Variants in FRMD5 observed in about 807,000 individuals in gnomAD.
The protein encoded by FRMD5 is FERM domain-containing protein 5.
In FRMD5, 20 loss-of-function variants were observed where a neutral mutation model predicts 69.0. The observed-to-expected ratio is 0.29, with a 90% CI of 0.20 to 0.42. FRMD5 has a LOEUF of 0.42. FRMD5 is among the 10% of genes least tolerant of loss of function. FRMD5 has a pLI of 1.00. For missense variants in FRMD5, 595 were observed against 708.6 expected (o/e 0.84, Z 1.82); for synonymous variants, 271 against 260.1 (o/e 1.04, Z -0.40).
intron 7 of FRMD5, among the ~76,000 whole-genome samples, chr15:43,898,769 CG>C: frequency 6.6e-6 from 1 of 152,302 alleles, no homozygotes; most frequent in East Asian, 1.9e-4. Flanking sequence ...CTGGGGCTCC[CG>C]CCAGGAGTTG....
intron 8 of FRMD5, among the ~76,000 whole-genome samples, chr15:43,890,663 G>A (rs1415489597): frequency 2.6e-5 from 4 of 152,196 alleles, no homozygotes; most frequent in African/African-American, 9.7e-5. Context: ...CACCCAGAGA[G>A]CACAGTGAAG....
chr15:43,944,320 C>A (rs951180891), intron 1 of FRMD5, among the ~76,000 whole-genome samples: 1 of 152,224 alleles, frequency 6.6e-6, no homozygotes, highest in African/African-American at 2.4e-5. Context: ...CAGTTCCATT[C>A]CCATGATAAC....
In FRMD5 at chr15:43,961,624, A is replaced by T. The variant is rs1370720355; in HGVS notation, c.103-37315T>A. 2.6e-5 allele frequency among the ~76,000 whole-genome samples: 4 copies of T among 152,268 alleles called. No individual in the cohort carries two copies. In the South Asian group the frequency reaches 8.3e-4, roughly 32 times the overall value. ...AAAAAAAGAGAATTTTAGACCAATAATCTTGATGAATATTGATGCAAAAAT... is the reference window on the plus strand; with the variant it reads ...AAAAAAAGAGAATTTTAGACCAATATTCTTGATGAATATTGATGCAAAAAT... On this transcript the variant is annotated intron_variant, in intron 1 of 13. Transcript: ENST00000417257.
At chr15:44,018,078 CT>C (rs1311299481) in intron 1 of FRMD5, among the ~76,000 whole-genome samples, 1 of 152,098 alleles carries the variant, frequency 6.6e-6, no homozygotes, top group Non-Finnish European at 1.5e-5. Context: ...AATATTTTAT[CT>C]GAGAATATGT....
intron 1 of FRMD5, among the ~76,000 whole-genome samples, chr15:44,002,115 T>C (rs1595609585): frequency 6.6e-6 from 1 of 152,266 alleles, no homozygotes; most frequent in Middle Eastern, 3.4e-3. Flanking sequence ...TTTTCAACTT[T>C]CTAGCACAAT....
rs71421819 is a variant in FRMD5 at position 44,040,992 on chromosome 15, C to CAAA, written c.103-116686_103-116684dup. Among the ~76,000 whole-genome samples, 7 of 17,496 alleles carry CAAA rather than the reference C, an allele frequency of 4.0e-4. 1 individual carries two copies. The highest frequency in any genetic ancestry group is 8.3e-4 in the African/African-American group (5 of 6,004). The allele number at this position is 17,496 out of a possible 152,430, so 11.5% of individuals were successfully genotyped here. ...GAATATTTACCAAGGAAATGGAAAG[C>CAAA]AAAAAAAAAAAAAAAAAAAAAAAAA... On this transcript the variant is annotated intron_variant, in intron 1 of 13. Transcript: ENST00000417257.
At chr15:43,989,694 G>A in intron 1 of FRMD5, 2 of 996,308 alleles carry the variant, frequency 2.0e-6, no homozygotes, top group Non-Finnish European at 1.6e-6. Flanking sequence ...TCATAGATGG[G>A]CACAGTGTGG....
At chr15:43,935,228 C>G (rs935917622) in intron 1 of FRMD5, among the ~76,000 whole-genome samples, 11 of 152,152 alleles carry the variant, frequency 7.2e-5, no homozygotes, top group Admixed American at 5.2e-4. Context: ...GCCTGTAATC[C>G]CAGCCCTTTC....
chr15:43,968,125 G>T (rs963120488), intron 1 of FRMD5, among the ~76,000 whole-genome samples: 14 of 151,220 alleles, frequency 9.3e-5, no homozygotes, highest in East Asian at 1.9e-4. Flanking sequence ...ATACACAAAA[G>T]TGTATGAACT....
intron 1 of FRMD5, among the ~76,000 whole-genome samples, chr15:44,033,407 A>T (rs146807952): frequency 2.6e-5 from 4 of 152,174 alleles, no homozygotes; most frequent in Non-Finnish European, 4.4e-5. Context: ...AAAAAAAATA[A>T]AGTTTTTCAA....
chr15:43,998,244 T>C lies in FRMD5; in HGVS notation c.103-73935A>G, dbSNP rs552145797. Among the ~76,000 whole-genome samples, 12 of 152,318 alleles carry C rather than the reference T, an allele frequency of 7.9e-5. No homozygotes were observed. In the South Asian group the frequency reaches 2.5e-3, roughly 32 times the overall value. On this transcript the variant is annotated intron_variant, in intron 1 of 13. Transcript: ENST00000417257. ...AAGATTAAATGAGATAATAGATACA[T>C]AACTTTGTAAATTGCAAAGTGGTCT...
At chr15:43,968,450 A>C (rs1013112063) in intron 1 of FRMD5, among the ~76,000 whole-genome samples, 1 of 152,190 alleles carries the variant, frequency 6.6e-6, no homozygotes, top group African/African-American at 2.4e-5. Context: ...TTTTCTCAGA[A>C]GAATTTCCTG....
intron 1 of FRMD5, among the ~76,000 whole-genome samples, chr15:43,941,261 A>G (rs1423014272): frequency 1.3e-5 from 2 of 152,154 alleles, no homozygotes; most frequent in African/African-American, 2.4e-5. Context: ...CCAGCTACCC[A>G]GGAGGCTGAG....
At chr15:43,948,543 C>T (rs904140792) in intron 1 of FRMD5, among the ~76,000 whole-genome samples, 1 of 152,296 alleles carries the variant, frequency 6.6e-6, no homozygotes, top group Non-Finnish European at 1.5e-5. Flanking sequence ...GGGAACATTT[C>T]GGTAATTTGG....
intron 1 of FRMD5, among the ~76,000 whole-genome samples, chr15:44,109,015 T>TAAAATAAAATAAAATA (rs1555404818): frequency 4.7e-4 from 71 of 149,774 alleles, no homozygotes; most frequent in African/African-American, 1.6e-3. Flanking sequence ...TAAAATAAAA[T>TAAAATAAAATAAAATA]AAAATGTTTG....
chr15:44,000,650 G>T (rs1890170797), intron 1 of FRMD5, among the ~76,000 whole-genome samples: 1 of 152,040 alleles, frequency 6.6e-6, no homozygotes, highest in African/African-American at 2.4e-5. Context: ...AGTAGAGACG[G>T]GGTTTTGCCA....
intron 1 of FRMD5, among the ~76,000 whole-genome samples, chr15:44,155,908 A>G (rs1018310419): frequency 1.3e-5 from 2 of 151,740 alleles, no homozygotes; most frequent in Admixed American, 6.6e-5. Context: ...CCCCAAACAT[A>G]TTTTTTGAGT....
At chr15:44,112,891 G>C (rs1007513971) in intron 1 of FRMD5, among the ~76,000 whole-genome samples, 2 of 151,890 alleles carry the variant, frequency 1.3e-5, no homozygotes, top group African/African-American at 4.8e-5. Context: ...CACCACACTC[G>C]GCCACCTTCA....
chr15:44,136,130 C>T (rs1322602699), intron 1 of FRMD5, among the ~76,000 whole-genome samples: 19 of 152,024 alleles, frequency 1.2e-4, no homozygotes, highest in Non-Finnish European at 1.5e-5. Flanking sequence ...TTCCCACCAC[C>T]GTCTCCCGAG....
Sources: allele counts gnomAD v4.1 joint callset (sites outside exome capture counted in the v4.1 genomes callset), GRCh38; gene constraint gnomAD v4.1.1; transcripts MANE v1.5; gene names NCBI Gene and HGNC (gene_info 2026-07-23, HGNC 2026-07-21).